Variants in GALNT2 observed in about 807,000 individuals in gnomAD.
The protein encoded by GALNT2 is UDP-GalNAc:polypeptide N-acetylgalactosaminyltransferase 2.
GALNT2 carries 31 observed loss-of-function variants against 81.4 expected under a neutral mutation model. The ratio of observed to expected loss-of-function variants is 0.38; its 90% CI spans 0.29 to 0.51. GALNT2 has a LOEUF of 0.51. GALNT2 is among the 20% of genes least tolerant of loss of function. The probability of loss-of-function intolerance (pLI) is 0.87; values close to 1 mark genes in which losing one functional copy is unlikely to be tolerated. For missense variants in GALNT2, 629 were observed against 765.7 expected, an observed-to-expected ratio of 0.82 and a Z score of 2.11; for synonymous variants, 303 against 287.4, an observed-to-expected ratio of 1.05 and a Z score of -0.55.
chr1:230,069,768 A>C (rs1367478846), intron 1 of GALNT2, among the ~76,000 whole-genome samples: 1 of 147,372 alleles, frequency 6.8e-6, no homozygotes, highest in Admixed American at 6.9e-5. Context: ...CGGGCCATGC[A>C]CAGAAAGGCA....
intron 9 of GALNT2, 89 bp downstream of exon 9, chr1:230,249,360 G>T (rs528725075): frequency 1.6e-5 from 18 of 1,129,536 alleles, no homozygotes; most frequent in Non-Finnish European, 2.1e-5. Context: ...TGGAGACCCA[G>T]TGGGGGCTGT....
chr1:230,221,321 C>G (rs1244141369), intron 3 of GALNT2, among the ~76,000 whole-genome samples: 1 of 152,152 alleles, frequency 6.6e-6, no homozygotes, highest in Non-Finnish European at 1.5e-5. Context: ...CTTTTTAATG[C>G]TAACGTTGGG....
At chr1:230,244,521 C>A (rs915037095) in intron 7 of GALNT2, among the ~76,000 whole-genome samples, 6 of 150,874 alleles carry the variant, frequency 4.0e-5, no homozygotes, top group Non-Finnish European at 8.9e-5. Flanking sequence ...CTACGCTCCG[C>A]CAGGCTGTCT....
intron 13 of GALNT2, chr1:230,263,735 T>C (rs1449308246): frequency 6.6e-6 from 1 of 152,278 alleles, no homozygotes; most frequent in Non-Finnish European, 1.5e-5. Context: ...AGGCAGGTCG[T>C]GCCTTAATGC....
chr1:230,211,087 G>C (rs1473256402), intron 3 of GALNT2, among the ~76,000 whole-genome samples: 4 of 152,230 alleles, frequency 2.6e-5, no homozygotes, highest in Admixed American at 2.0e-4. Flanking sequence ...TGGAGACCCA[G>C]GCAGGGCTGG....
At chr1:230,078,807 A>AT (rs559476099) in intron 1 of GALNT2, among the ~76,000 whole-genome samples, 28 of 152,144 alleles carry the variant, frequency 1.8e-4, no homozygotes, top group African/African-American at 5.5e-4. Flanking sequence ...ATTTTATTTT[A>AT]TTTATTTATT....
rs12117820 is a variant in GALNT2, at chr1:230,213,201, G to A, written c.374+9911G>A. On this transcript the variant is annotated intron_variant, in intron 3 of 15. Transcript: ENST00000366672. ...GAATGCAGTGATGACCATGAGGATCGTCTTTGTTGTCAAGAAACTGTAGTC... is the reference window on the plus strand; with the variant it reads ...GAATGCAGTGATGACCATGAGGATCATCTTTGTTGTCAAGAAACTGTAGTC... Among the ~76,000 whole-genome samples, 936 of 152,310 alleles carry A rather than the reference G, an allele frequency of 6.1e-3. 7 individuals carry two copies. Among genetic ancestry groups the A allele is most frequent in the African/African-American group, 0.02 (824 of 41,562 alleles).
chr1:230,163,659 G>A (rs1261891110), intron 1 of GALNT2, among the ~76,000 whole-genome samples: 2 of 152,266 alleles, frequency 1.3e-5, no homozygotes, highest in African/African-American at 2.4e-5. Flanking sequence ...GCTCACAGCA[G>A]CTCACTGTCT....
chr1:230,218,694 C>A (rs1664460745), intron 3 of GALNT2, among the ~76,000 whole-genome samples: 1 of 152,174 alleles, frequency 6.6e-6, no homozygotes, highest in African/African-American at 2.4e-5. Flanking sequence ...TTGAGATTGT[C>A]AATGTTTATG....
chr1:230,094,742 CCAGA>C (rs1359718355), intron 1 of GALNT2, among the ~76,000 whole-genome samples: 2 of 152,136 alleles, frequency 1.3e-5, no homozygotes, highest in African/African-American at 4.8e-5. Flanking sequence ...AGAAACAGAG[CCAGA>C]CAGTTTGGGG....
Position 230,086,142 on chromosome 1 carries a change from G to T in GALNT2, c.126+18736G>T, listed in dbSNP as rs188338635. On this transcript the variant is annotated intron_variant, in intron 1 of 15. Transcript: ENST00000366672. Reference sequence around the variant, plus strand: ...ATCCAGGTCTTGGTATTCCTAGGGTGCCAGAGGTGAAACTGAGAAAATTTT... The same window carrying T: ...ATCCAGGTCTTGGTATTCCTAGGGTTCCAGAGGTGAAACTGAGAAAATTTT... Among the ~76,000 whole-genome samples the T allele has an allele frequency of 4.4e-4, 67 of 152,312 alleles. No homozygotes were observed. The Middle Eastern group carries it at 0.014, about 31-fold the overall frequency.
chr1:230,258,972 C>G (rs936737730), intron 11 of GALNT2: 2 of 152,152 alleles, frequency 1.3e-5, no homozygotes, highest in Non-Finnish European at 2.9e-5. Flanking sequence ...CCTGTATTCT[C>G]AAGATTTGGA....
At chr1:230,235,108 G>A (rs2102734747) in intron 3 of GALNT2, among the ~76,000 whole-genome samples, 1 of 151,196 alleles carries the variant, frequency 6.6e-6, no homozygotes, top group Non-Finnish European at 1.5e-5. Flanking sequence ...CAGCTACTTG[G>A]GAGGCTGAGG....
chr1:230,087,138 C>T (rs1571945450), intron 1 of GALNT2, among the ~76,000 whole-genome samples: 1 of 152,156 alleles, frequency 6.6e-6, no homozygotes, highest in African/African-American at 2.4e-5. Context: ...TGTCTTCTAC[C>T]CCTTCTTTAT....
intron 2 of GALNT2, among the ~76,000 whole-genome samples, chr1:230,185,192 C>T (rs1259294473): frequency 6.6e-6 from 1 of 151,916 alleles, no homozygotes; most frequent in Non-Finnish European, 1.5e-5. Context: ...TTTTAAATTC[C>T]TGATCTGATC....
chr1:230,231,891 C>T (rs1333066427), intron 3 of GALNT2, among the ~76,000 whole-genome samples: 1 of 152,180 alleles, frequency 6.6e-6, no homozygotes, highest in Non-Finnish European at 1.5e-5. Flanking sequence ...CTGCTTCTAG[C>T]CTGCGTCGTC....
chr1:230,086,021 T>C (rs1377865347), intron 1 of GALNT2, among the ~76,000 whole-genome samples: 1 of 152,200 alleles, frequency 6.6e-6, no homozygotes. Flanking sequence ...CTTGCTGACC[T>C]GCCTGGTTAA....
intron 10 of GALNT2, among the ~76,000 whole-genome samples, chr1:230,252,748 T>C (rs1009192507): frequency 6.6e-6 from 1 of 151,728 alleles, no homozygotes; most frequent in Admixed American, 6.6e-5. Flanking sequence ...AGATTCCCCA[T>C]AGAGAAGCCA....
intron 10 of GALNT2, among the ~76,000 whole-genome samples, chr1:230,251,246 T>G (rs927111197): frequency 2.0e-5 from 3 of 152,212 alleles, no homozygotes; most frequent in African/African-American, 7.2e-5. Flanking sequence ...TTTCAAATGC[T>G]TGACATTCTG....
Sources: allele counts gnomAD v4.1 joint callset (sites outside exome capture counted in the v4.1 genomes callset), GRCh38; gene constraint gnomAD v4.1.1; transcripts MANE v1.5; gene names NCBI Gene and HGNC (gene_info 2026-07-23, HGNC 2026-07-21).